The following FLT1 variants were observed in gnomAD, a reference collection of about 807,000 sequenced individuals.
The protein encoded by FLT1 is vascular endothelial growth factor receptor 1.
In FLT1, 49 loss-of-function variants were observed where a neutral mutation model predicts 156.3. The ratio of observed to expected loss-of-function variants is 0.31; its 90% CI spans 0.25 to 0.40. The LOEUF is 0.40. FLT1 is among the 10% of genes least tolerant of loss of function. The probability of loss-of-function intolerance (pLI) is 1.00; values close to 1 mark genes in which losing one functional copy is unlikely to be tolerated. For missense variants in FLT1, 1,322 were observed against 1,637.2 expected, an observed-to-expected ratio of 0.81 and a Z score of 3.32; for synonymous variants, 594 against 583.8, an observed-to-expected ratio of 1.02 and a Z score of -0.25.
At chr13:28,474,670 G>C (rs1258754043) in intron 1 of FLT1, among the ~76,000 whole-genome samples, 1 of 152,150 alleles carries the variant, frequency 6.6e-6, no homozygotes. Context: ...GCGGGGAGGG[G>C]ATGGAGGGTG....
intron 1 of FLT1, among the ~76,000 whole-genome samples, chr13:28,480,346 T>C (rs1370609387): frequency 2.0e-5 from 3 of 152,202 alleles, no homozygotes; most frequent in East Asian, 3.8e-4. Context: ...TCCTTTACAG[T>C]GTTTATAGCT....
chr13:28,362,003 C>T (rs373142920), intron 14 of FLT1, among the ~76,000 whole-genome samples: 45 of 152,288 alleles, frequency 3.0e-4, no homozygotes, highest in African/African-American at 9.6e-4. Flanking sequence ...GCAAGTCCTG[C>T]TCATCAGTTG....
Position 28,311,720 on chromosome 13 carries a change from A to G in FLT1, c.3505T>C (p.Tyr1169His), listed in dbSNP as rs1385793865. 6.2e-7 allele frequency: 1 copy of G among 1,613,924 alleles called. No individual in the cohort carries two copies. The highest frequency in any genetic ancestry group is 8.5e-7 in the Non-Finnish European group (1 of 1,179,964). The change falls in exon 27 of 30, where the codon TAC becomes CAC. Residue 1169 changes from tyrosine (Y) to histidine (H), a missense_variant. Coordinates refer to ENST00000282397, the MANE Select transcript of FLT1 (RefSeq NM_002019.4). Reference sequence around the variant, plus strand: ...GTCAGTATGGCATTGATTGGGATGTAGTCTTTACCATCCTAAAATACCAAA... The same window carrying G: ...GTCAGTATGGCATTGATTGGGATGTGGTCTTTACCATCCTAAAATACCAAA... The part of the protein sequence containing the change: ...QANVQQDGKD[Y>H]IPINAILTGN...
At chr13:28,410,014 C>T (rs1331846353) in intron 10 of FLT1, among the ~76,000 whole-genome samples, 1 of 152,208 alleles carries the variant, frequency 6.6e-6, no homozygotes, top group African/African-American at 2.4e-5. Context: ...TGAGAGCTCA[C>T]TTTGTCACCC....
At chr13:28,415,278 G>A (rs896267855) in intron 10 of FLT1, among the ~76,000 whole-genome samples, 1 of 152,244 alleles carries the variant, frequency 6.6e-6, no homozygotes, top group Non-Finnish European at 1.5e-5. Context: ...TTGGGAGTTC[G>A]AGACCAGCCT....
chr13:28,474,235 C>T (rs1593836314), intron 1 of FLT1, among the ~76,000 whole-genome samples: 1 of 152,146 alleles, frequency 6.6e-6, no homozygotes. Flanking sequence ...GCAGCTGTAT[C>T]ACCTGAGGTC....
chr13:28,361,437 C>A (rs1240365691), intron 14 of FLT1, among the ~76,000 whole-genome samples: 1 of 152,068 alleles, frequency 6.6e-6, no homozygotes, highest in Non-Finnish European at 1.5e-5. Flanking sequence ...CTACTACGTA[C>A]TAGACACTAT....
intron 16 of FLT1, among the ~76,000 whole-genome samples, chr13:28,345,151 A>T (rs1872516596): frequency 1.3e-5 from 2 of 152,068 alleles, no homozygotes; most frequent in South Asian, 2.1e-4. Context: ...TAAAGGTTTC[A>T]CAGGTCCCAC....
Position 28,467,093 on chromosome 13 carries a change from C to T in FLT1, c.198G>A (p.Met66Ile), listed in dbSNP as rs1314880424. ...EAAHKWSLPE[M>I]VSKESERLSI... ...TCAGCCTTTCGCTTTCCTTACTCAC[C>T]ATTTCAGGCAAAGACCATTTATGGG... Residue 66 changes from methionine (M) to isoleucine (I), a missense_variant, in exon 3 of 30, where the codon ATG (methionine) becomes ATA (isoleucine). This residue lies in a region of FLT1 where 991 missense variants were observed against 1,254.8 expected (regional missense o/e 0.79). Coordinates refer to ENST00000282397, the MANE Select transcript of FLT1 (RefSeq NM_002019.4). 6.2e-7 allele frequency: 1 copy of T among 1,614,026 alleles called. No individual in the cohort carries two copies. The highest frequency in any genetic ancestry group is 8.5e-7 in the Non-Finnish European group (1 of 1,180,014).
At chr13:28,454,988 G>C (rs888213934) in intron 3 of FLT1, among the ~76,000 whole-genome samples, 6 of 152,102 alleles carry the variant, frequency 3.9e-5, no homozygotes, top group African/African-American at 1.4e-4. Flanking sequence ...ACAAAACTAT[G>C]ATGAACAAAA....
chr13:28,317,936 A>G (rs1871272765), intron 24 of FLT1, among the ~76,000 whole-genome samples: 3 of 150,742 alleles, frequency 2.0e-5, no homozygotes, highest in African/African-American at 4.9e-5. Flanking sequence ...TCCCATCATT[A>G]GAGACTCATC....
intron 8 of FLT1, among the ~76,000 whole-genome samples, chr13:28,429,571 A>G (rs1877551191): frequency 6.6e-6 from 1 of 152,204 alleles, no homozygotes; most frequent in South Asian, 2.1e-4. Flanking sequence ...CCCCTCTTCA[A>G]ATGAGTAAGT....
intron 27 of FLT1, among the ~76,000 whole-genome samples, chr13:28,309,849 C>T (rs1870922202): frequency 6.6e-6 from 1 of 151,422 alleles, no homozygotes; most frequent in Admixed American, 6.6e-5. Context: ...TTCTTTGAGG[C>T]CTGTCACAGG....
chr13:28,433,786 C>G (rs373833357), intron 6 of FLT1, 33 bp downstream of exon 6: 203 of 1,606,982 alleles, frequency 1.3e-4, no homozygotes, highest in Non-Finnish European at 1.6e-4. Context: ...AAAATACTGT[C>G]CTGCAGAAGA....
At chr13:28,438,764 G>T (rs757802305) in intron 3 of FLT1, among the ~76,000 whole-genome samples, 1 of 152,224 alleles carries the variant, frequency 6.6e-6, no homozygotes, top group Non-Finnish European at 1.5e-5. Context: ...AGTGGCGAAG[G>T]TCAACTCTCT....
intron 14 of FLT1, among the ~76,000 whole-genome samples, chr13:28,377,383 G>T (rs1470710829): frequency 6.7e-6 from 1 of 149,440 alleles, no homozygotes; most frequent in Non-Finnish European, 1.5e-5. Context: ...TATCTTTTCA[G>T]CTATCCAATG....
At chr13:28,444,350 A>C (rs1280795046) in intron 3 of FLT1, among the ~76,000 whole-genome samples, 1 of 152,188 alleles carries the variant, frequency 6.6e-6, no homozygotes, top group African/African-American at 2.4e-5. Context: ...CTGAGGCAGG[A>C]GACTGGCTTG....
rs763721245 is a variant in FLT1 at position 28,319,493 on chromosome 13, A to T, written c.3216T>A (p.Phe1072Leu). The change falls in exon 24 of 30, where the codon TTT becomes TTA. Residue 1072 changes from phenylalanine (F) to leucine (L), a missense_variant. This residue lies in a region of FLT1 where 329 missense variants were observed against 366.2 expected (regional missense o/e 0.90). Coordinates refer to ENST00000282397, the MANE Select transcript of FLT1 (RefSeq NM_002019.4). ...CGCTCTTGGTGCTGTAGATTTTGTC[A>T]AAGATAGATTCAGGAGCCATCCATT... Reference protein sequence around the residue: ...PLKWMAPESIFDKIYSTKSDV... With the variant: ...PLKWMAPESILDKIYSTKSDV... 6.2e-7 allele frequency: 1 copy of T among 1,614,112 alleles called. No homozygotes were observed.
intron 3 of FLT1, among the ~76,000 whole-genome samples, chr13:28,442,117 T>A (rs1878363468): frequency 6.6e-6 from 1 of 152,026 alleles, no homozygotes; most frequent in African/African-American, 2.4e-5. Context: ...GACACAAGGG[T>A]TTCTTATCAG....
Sources: allele counts gnomAD v4.1 joint callset (sites outside exome capture counted in the v4.1 genomes callset), GRCh38; gene constraint gnomAD v4.1.1; regional missense constraint gnomAD v4.1.1; transcripts MANE v1.5; gene names NCBI Gene and HGNC (gene_info 2026-07-23, HGNC 2026-07-21).